Variants in MGST1 observed in about 807,000 individuals in gnomAD.
MGST1 encodes the protein glutathione S-transferase 12.
In MGST1, 5 loss-of-function variants were observed where a neutral mutation model predicts 8.9. That is an observed-to-expected ratio of 0.56 (90% CI 0.29 to 1.19). The LOEUF is 1.19. Ranked by LOEUF, MGST1 falls within the 50% of genes most tolerant of loss-of-function variation. The pLI is 0.08. For missense variants in MGST1, 182 were observed against 187.4 expected, an observed-to-expected ratio of 0.97 and a Z score of 0.17; for synonymous variants, 54 against 67.8, an observed-to-expected ratio of 0.80 and a Z score of 1.00.
At chr12:16,380,786 T>C (rs2137039478), downstream of MGST1, among the ~76,000 whole-genome samples, 1 of 152,310 alleles carries the variant, frequency 6.6e-6, no homozygotes, top group African/African-American at 2.4e-5. Context: ...CTAAGTCTCT[T>C]TGTAGGTCAC....
chr12:16,558,008 T>C (rs1272689820), intron 4 of MGST1, among the ~76,000 whole-genome samples: 1 of 152,076 alleles, frequency 6.6e-6, no homozygotes, highest in Non-Finnish European at 1.5e-5. Flanking sequence ...TATCTGATGA[T>C]AGAAGACATA....
chr12:16,468,875 C>T (rs1362538920), intron 4 of MGST1, among the ~76,000 whole-genome samples: 1 of 152,206 alleles, frequency 6.6e-6, no homozygotes, highest in Non-Finnish European at 1.5e-5. Flanking sequence ...ATAATCTGGC[C>T]TGTGTCCAGT....
chr12:16,481,912 G>A (rs1347171179), intron 4 of MGST1, among the ~76,000 whole-genome samples: 3 of 151,862 alleles, frequency 2.0e-5, no homozygotes, highest in Non-Finnish European at 2.9e-5. Flanking sequence ...ATTCCTAACA[G>A]GAAAAATTTT....
intron 4 of MGST1, among the ~76,000 whole-genome samples, chr12:16,487,731 T>C (rs1257853391): frequency 6.6e-6 from 1 of 152,130 alleles, no homozygotes; most frequent in Non-Finnish European, 1.5e-5. Context: ...CACTGCAGCC[T>C]CAAACTCCTG....
intron 1 of MGST1, among the ~76,000 whole-genome samples, chr12:16,395,256 A>C (rs1014934795): frequency 1.3e-5 from 2 of 152,134 alleles, no homozygotes; most frequent in Non-Finnish European, 2.9e-5. Flanking sequence ...TTAAAAGTCC[A>C]TTATTTTTCA....
rs139775498 is a variant in MGST1, at chr12:16,360,845, T to A, written c.222-2950T>A. 1.2e-4 allele frequency among the ~76,000 whole-genome samples: 18 copies of A among 152,304 alleles called. No individual in the cohort carries two copies. The East Asian group carries it at 3.5e-3, about 29-fold the overall frequency. ...ATAGGCTAGGGGTTGAACTGGATGA[T>A]GTCCCTCGTGGCCCCAGTGTATGAA... is the stretch of plus-strand genomic sequence containing the variant. On this transcript the variant is annotated intron_variant, in intron 3 of 3. Transcript: ENST00000396210.
At chr12:16,515,585 G>A (rs560437872) in intron 4 of MGST1, among the ~76,000 whole-genome samples, 9 of 149,450 alleles carry the variant, frequency 6.0e-5, no homozygotes, top group South Asian at 2.1e-4. Context: ...AGCCAAGATC[G>A]TGCCATTGCA....
At chr12:16,372,537 T>G (rs909937922) in intron 3 of MGST1, among the ~76,000 whole-genome samples, 7 of 151,950 alleles carry the variant, frequency 4.6e-5, no homozygotes, top group African/African-American at 1.4e-4. Flanking sequence ...CAGATTCTAG[T>G]GAGAATGTGG....
chr12:16,568,192 C>T (rs1031669967), intron 4 of MGST1, among the ~76,000 whole-genome samples: 7 of 152,158 alleles, frequency 4.6e-5, no homozygotes, highest in Non-Finnish European at 7.3e-5. Flanking sequence ...CTACACAAGA[C>T]TTGTAAGAAC....
At chr12:16,373,476 TTATAA>T (rs775676939) in intron 3 of MGST1, among the ~76,000 whole-genome samples, 11 of 152,188 alleles carry the variant, frequency 7.2e-5, no homozygotes, top group Non-Finnish European at 1.5e-4. Context: ...CTTGATTAGA[TTATAA>T]TATGATTGTA....
At chr12:16,528,640 A>C (rs1000669253) in intron 4 of MGST1, among the ~76,000 whole-genome samples, 1 of 152,048 alleles carries the variant, frequency 6.6e-6, no homozygotes, top group Non-Finnish European at 1.5e-5. Context: ...TGCAAAGTGC[A>C]CTAGGTAAAA....
rs1941827512 is a variant in MGST1, at chr12:16,546,705, AT to A, written n.483-42821del. Among the ~76,000 whole-genome samples the A allele has an allele frequency of 6.6e-6, 1 of 152,118 alleles. No homozygotes were observed. The highest frequency in any genetic ancestry group is 6.6e-5 in the Admixed American group (1 of 15,244). ...CTTACCTAAGGGAACTGTTGTAATT[AT>A]TCTATAAGCTTATTGGAATGGCATT... is the stretch of plus-strand genomic sequence containing the variant. On this transcript the variant is annotated intron_variant and non_coding_transcript_variant, in intron 4 of 4. Coordinates refer to the MGST1 transcript ENST00000538857. The surrounding 1 kb of genome is among the most constrained non-coding windows in gnomAD (Gnocchi z 4.7).
At chr12:16,519,770 G>A (rs541049096) in intron 4 of MGST1, among the ~76,000 whole-genome samples, 16 of 152,064 alleles carry the variant, frequency 1.1e-4, no homozygotes, top group South Asian at 1.0e-3. Context: ...CTAACTGCCT[G>A]GTTTTTGGTT....
At chr12:16,423,964 A>G (rs796185247) in intron 1 of MGST1, among the ~76,000 whole-genome samples, 72 of 152,222 alleles carry the variant, frequency 4.7e-4, no homozygotes, top group African/African-American at 1.7e-3. Flanking sequence ...GTCTCCCAAT[A>G]TATCTAATGT....
rs1212364390 is a variant in MGST1, at chr12:16,410,363, G to A, written n.778+26759G>A. Among the ~76,000 whole-genome samples the A allele has an allele frequency of 1.3e-5, 2 of 151,886 alleles. No individual in the cohort carries two copies. The highest frequency in any genetic ancestry group is 4.8e-5 in the African/African-American group (2 of 41,340). On this transcript the variant is annotated intron_variant and non_coding_transcript_variant, in intron 1 of 1. Coordinates refer to the MGST1 transcript ENST00000359720. The surrounding 1 kb of genome is among the most constrained non-coding windows in gnomAD (Gnocchi z 4.4). ...CTCTGAAATACACTTAACTCTTCCT[G>A]TTTCTTCTTCCATCTCTCCAGTTCA...
chr12:16,375,599 G>A (rs879916200), intron 3 of MGST1, among the ~76,000 whole-genome samples: 2 of 151,874 alleles, frequency 1.3e-5, no homozygotes, highest in Non-Finnish European at 2.9e-5. Flanking sequence ...GCATAGTGTG[G>A]CATGAAACAA....
At chr12:16,396,025 C>T (rs2137057731) in intron 1 of MGST1, among the ~76,000 whole-genome samples, 1 of 152,154 alleles carries the variant, frequency 6.6e-6, no homozygotes, top group South Asian at 2.1e-4. Context: ...TAAGGAATCT[C>T]CACACTGTTT....
chr12:16,467,238 G>A (rs1194088556), intron 4 of MGST1, among the ~76,000 whole-genome samples: 1 of 152,142 alleles, frequency 6.6e-6, no homozygotes, highest in Non-Finnish European at 1.5e-5. Flanking sequence ...ACTTATACAT[G>A]TAACAATTTA....
chr12:16,489,753 CTCTT>C (rs1321753185), intron 4 of MGST1, among the ~76,000 whole-genome samples: 1 of 152,112 alleles, frequency 6.6e-6, no homozygotes, highest in Non-Finnish European at 1.5e-5. Flanking sequence ...CTGTTTATGT[CTCTT>C]CCTTCCTCTC....
Sources: allele counts gnomAD v4.1 joint callset (sites outside exome capture counted in the v4.1 genomes callset), GRCh38; gene constraint gnomAD v4.1.1; non-coding constraint Gnocchi (gnomAD v3.1); transcripts MANE v1.5; gene names NCBI Gene and HGNC (gene_info 2026-07-23, HGNC 2026-07-21).